The following KCNV2 variants were observed in gnomAD, a reference collection of about 807,000 sequenced individuals.
The protein encoded by KCNV2 is potassium voltage-gated channel modifier subfamily V member 2.
KCNV2 carries 65 observed loss-of-function variants against 37.0 expected under a neutral mutation model. The ratio of observed to expected loss-of-function variants is 1.76; its 90% CI spans 1.44 to 2.16. KCNV2 has a LOEUF of 2.16. Among genes scored for constraint, KCNV2 ranks in the 30% most tolerant of loss-of-function variants. The probability of loss-of-function intolerance (pLI) is 0.00; values close to 1 mark genes in which losing one functional copy is unlikely to be tolerated. For synonymous variants in KCNV2, 518 were observed against 328.6 expected, an observed-to-expected ratio of 1.58 and a Z score of -6.23; for missense variants, 1,232 against 766.7, an observed-to-expected ratio of 1.61 and a Z score of -7.17.
chr9:2,719,238 A>C, intron 1 of KCNV2, 143 bp downstream of exon 1: 1 of 852,850 alleles, frequency 1.2e-6, no homozygotes, highest in Non-Finnish European at 1.9e-6. Flanking sequence ...CAGCTAACAA[A>C]ACGGCGATGG....
Position 2,729,321 on chromosome 9 carries a change from G to T in KCNV2, c.1357-125G>T, listed in dbSNP as rs113883189. 741 of 1,014,412 alleles carry T rather than the reference G, an allele frequency of 7.3e-4. 6 individuals carry two copies. In the African/African-American group the frequency reaches 0.01, roughly 14 times the overall value. 62.8% of individuals were successfully genotyped at this position (1,014,412 alleles called of 1,614,324 possible). A position where few individuals can be genotyped will look rare whatever the true frequency, so the allele number is the denominator to read the frequency against. ...CCTGGTACCTCCTAAAGCAGGCTCC[G>T]TGGGAAGCCATTACACTTCCCATGT... On this transcript the variant is annotated intron_variant, in intron 1 of 1. Coordinates refer to ENST00000382082, the MANE Select transcript of KCNV2 (RefSeq NM_133497.4).
At position 2,729,623 on chromosome 9, in the gene KCNV2, C is replaced by T. The variant is rs537588654; in HGVS notation, c.1534C>T (p.Arg512Cys). The T allele has an allele frequency of 3.2e-5, 51 of 1,613,978 alleles. No homozygotes were observed. The highest frequency in any genetic ancestry group is 2.2e-4 in the East Asian group (10 of 44,878). The change falls in exon 2 of 2, where the codon CGC (arginine) becomes TGC (cysteine). Residue 512 changes from arginine (R) to cysteine (C), a missense_variant. By Grantham distance (180) the Arg-to-Cys change is radical (BLOSUM62 -3). Transcript: ENST00000382082. ...KLKAYEYTTI[R>C]RERGEVNFMQ... ...GAAGGCTTATGAGTATACCACCATA[C>T]GCAGGGAGAGGGGAGAGGTGAACTT...
rs1369674746 is a variant in KCNV2, at chr9:2,718,698, G to C, written c.959G>C (p.Arg320Pro). The change falls in exon 1 of 2, where the codon CGC (arginine) becomes CCC (proline). Residue 320 changes from arginine (R) to proline (P), a missense_variant. Physicochemically the swap from Arg to Pro is moderately radical, Grantham distance 103 (BLOSUM62 -2). Transcript: ENST00000382082. The part of the protein sequence containing the change: ...MGFFTLEYLL[R>P]LASTPDLRRF... ...TTCTTCACGCTCGAGTACCTGCTGCGCCTAGCCTCCACGCCCGACCTGAGG... is the reference window on the plus strand; with the variant it reads ...TTCTTCACGCTCGAGTACCTGCTGCCCCTAGCCTCCACGCCCGACCTGAGG... 6.2e-7 allele frequency: 1 copy of C among 1,613,214 alleles called. No individual in the cohort carries two copies. Among genetic ancestry groups the C allele is most frequent in the Non-Finnish European group, 8.5e-7 (1 of 1,179,850 alleles).
intron 1 of KCNV2, among the ~76,000 whole-genome samples, chr9:2,728,021 A>G (rs1819995244): frequency 6.6e-6 from 1 of 152,170 alleles, no homozygotes; most frequent in South Asian, 2.1e-4. Context: ...CAGGAGGTGC[A>G]TCATCAGCCT....
chr9:2,725,507 G>A (rs1258688078), intron 1 of KCNV2, among the ~76,000 whole-genome samples: 3 of 152,270 alleles, frequency 2.0e-5, no homozygotes, highest in South Asian at 4.1e-4. Context: ...GGATATGACC[G>A]CTTGCTGCTA....
chr9:2,717,748 A>G lies in KCNV2; in HGVS notation c.9A>G (p.Lys3=), dbSNP rs1208931091. The G allele has an allele frequency of 6.2e-7, 1 of 1,613,914 alleles. No individual in the cohort carries two copies. Among genetic ancestry groups the G allele is most frequent in the Non-Finnish European group, 8.5e-7 (1 of 1,179,902 alleles). Reference sequence around the variant, plus strand: ...GTCCACTTTCCGCAGCCATGCTCAAACAGAGTGAGAGGAGACGGTCCTGGA... The same window carrying G: ...GTCCACTTTCCGCAGCCATGCTCAAGCAGAGTGAGAGGAGACGGTCCTGGA... The part of the protein sequence containing the change: ML[K]QSERRRSWSY... The change falls in exon 1 of 2, where the codon AAA becomes AAG. Residue 3 remains lysine, a synonymous_variant. Transcript: ENST00000382082.
Position 2,717,901 on chromosome 9 carries a change from C to T in KCNV2, c.162C>T (p.Tyr54=), listed in dbSNP as rs200742696. ...GGACAGAGGGCAACTATAACTACTA[C>T]ATCGAGGAAGACGAAGACGGCGAGG... The part of the protein sequence containing the change: ...HGWTEGNYNY[Y]IEEDEDGEEE... Residue 54 remains tyrosine, a synonymous_variant, in exon 1 of 2, where the codon TAC becomes TAT. Coordinates refer to ENST00000382082, the MANE Select transcript of KCNV2 (RefSeq NM_133497.4). 45 of 1,614,074 alleles carry T rather than the reference C, an allele frequency of 2.8e-5. No individual in the cohort carries two copies. Among genetic ancestry groups the T allele is most frequent in the Non-Finnish European group, 3.6e-5 (42 of 1,180,044 alleles).
In KCNV2 at chr9:2,718,624, C is replaced by T. The variant is rs748776845; in HGVS notation, c.885C>T (p.Gly295=). The T allele has an allele frequency of 7.4e-6, 12 of 1,612,980 alleles. No homozygotes were observed. In the African/African-American group the frequency reaches 1.2e-4, roughly 16 times the overall value. Residue 295 remains glycine, a synonymous_variant, in exon 1 of 2, where the codon GGC becomes GGT. Coordinates refer to ENST00000382082, the MANE Select transcript of KCNV2 (RefSeq NM_133497.4). The stretch of plus-strand genomic sequence containing the variant: ...AGCACTCGGGGCAGGGCGAGGGCGG[C>T]CCAGACCTGCGGCCCATCCTGGAGC... ...MQQHSGQGEG[G]PDLRPILEHV...
rs921097273 is a variant in KCNV2 at position 2,718,911 on chromosome 9, C to T, written c.1172C>T (p.Ala391Val). 6.2e-7 allele frequency: 1 copy of T among 1,608,958 alleles called. No individual in the cohort carries two copies. Among genetic ancestry groups the T allele is most frequent in the Non-Finnish European group, 8.5e-7 (1 of 1,179,996 alleles). The change falls in exon 1 of 2, where the codon GCG becomes GTG. Residue 391 changes from alanine (A) to valine (V), a missense_variant. Physicochemically the swap from Ala to Val is moderately conservative, Grantham distance 64 (BLOSUM62 0). Coordinates refer to ENST00000382082, the MANE Select transcript of KCNV2 (RefSeq NM_133497.4). ...CGCATCTTCCGCATCCTCAAGCTGG[C>T]GCGCCACTCCACCGGACTGCGTGCC... is the stretch of plus-strand genomic sequence containing the variant. ...LMRIFRILKL[A>V]RHSTGLRAFG...
In KCNV2 at chr9:2,718,712, C is replaced by T. The variant is rs757270560; in HGVS notation, c.973C>T (p.Pro325Ser). The T allele has an allele frequency of 1.2e-6, 2 of 1,613,104 alleles. No homozygotes were observed. Among genetic ancestry groups the T allele is most frequent in the African/African-American group, 1.3e-5 (1 of 75,056 alleles). Reference sequence around the variant, plus strand: ...GTACCTGCTGCGCCTAGCCTCCACGCCCGACCTGAGGCGCTTCGCGCGCAG... The same window carrying T: ...GTACCTGCTGCGCCTAGCCTCCACGTCCGACCTGAGGCGCTTCGCGCGCAG... ...LEYLLRLAST[P>S]DLRRFARSAL... Residue 325 changes from proline to serine, a missense_variant, in exon 1 of 2, where the codon CCC (proline) becomes TCC (serine). By Grantham distance (74) the Pro-to-Ser change is moderately conservative. Coordinates refer to ENST00000382082, the MANE Select transcript of KCNV2 (RefSeq NM_133497.4).
At chr9:2,727,876 C>T (rs979207318) in intron 1 of KCNV2, among the ~76,000 whole-genome samples, 1 of 152,252 alleles carries the variant, frequency 6.6e-6, no homozygotes, top group African/African-American at 2.4e-5. Flanking sequence ...GAAGTGGATT[C>T]AGACCCACAA....
intron 1 of KCNV2, among the ~76,000 whole-genome samples, chr9:2,728,918 A>G (rs1820015106): frequency 6.6e-6 from 1 of 151,256 alleles, no homozygotes; most frequent in Admixed American, 6.6e-5. Flanking sequence ...AAAGAGAGAG[A>G]GAGAGTCTGA....
Position 2,722,166 on chromosome 9 carries a change from T to TTAGAAGTTATTTATAAATAAAA in KCNV2, c.1356+3086_1356+3107dup, listed in dbSNP as rs1563797715. 5.2e-4 allele frequency among the ~76,000 whole-genome samples: 46 copies of TTAGAAGTTATTTATAAATAAAA among 88,602 alleles called. 1 individual carries two copies. The highest frequency in any genetic ancestry group is 8.3e-4 in the South Asian group (2 of 2,424). 58.1% of individuals were successfully genotyped at this position (88,602 alleles called of 152,430 possible). ...AAATTAGAAGTTATTTATAAATAAA[T>TTAGAAGTTATTTATAAATAAAA]TAGAAGTTATTTATAAATAAAATAG... On this transcript the variant is annotated intron_variant, in intron 1 of 1. Transcript: ENST00000382082.
chr9:2,719,876 A>C (rs564150606), intron 1 of KCNV2, among the ~76,000 whole-genome samples: 1 of 152,366 alleles, frequency 6.6e-6, no homozygotes, highest in South Asian at 2.1e-4. Flanking sequence ...AGTTAGTGTA[A>C]CAGTTATTTT....
At chr9:2,728,598 A>C (rs1039177852) in intron 1 of KCNV2, among the ~76,000 whole-genome samples, 2 of 152,206 alleles carry the variant, frequency 1.3e-5, no homozygotes, top group African/African-American at 4.8e-5. Context: ...AGGGGTGAAC[A>C]TATTTTTGGT....
At position 2,717,630 on chromosome 9, in the gene KCNV2, C is replaced by G. The variant is rs957097955; in HGVS notation, c.-110C>G. 6 of 1,433,880 alleles carry G rather than the reference C, an allele frequency of 4.2e-6. No homozygotes were observed. The highest frequency in any genetic ancestry group is 2.8e-5 in the African/African-American group (2 of 71,568). 88.8% of individuals were successfully genotyped at this position (1,433,880 alleles called of 1,614,324 possible). ...CCTAGCTGTGCTGGTCCGGGCTGGC[C>G]TCTCTAAGACAGTGCAGGCCACGTG... On this transcript the variant is annotated 5_prime_UTR_variant, in exon 1 of 2. Coordinates refer to ENST00000382082, the MANE Select transcript of KCNV2 (RefSeq NM_133497.4).
At chr9:2,724,305 G>A (rs1819933873) in intron 1 of KCNV2, among the ~76,000 whole-genome samples, 1 of 152,128 alleles carries the variant, frequency 6.6e-6, no homozygotes, top group African/African-American at 2.4e-5. Context: ...CAAGATCACT[G>A]AAATTATTTT....
chr9:2,728,881 TAAAAAAAAAA>T (rs60674628), intron 1 of KCNV2, among the ~76,000 whole-genome samples: 2 of 98,394 alleles, frequency 2.0e-5, no homozygotes, highest in Admixed American at 1.1e-4. Context: ...CTGTTTTAAA[TAAAAAAAAAA>T]AAAAAGAAAA....
Position 2,727,159 on chromosome 9 carries a change from G to T in KCNV2, c.1357-2287G>T, listed in dbSNP as rs535852398. 2.0e-5 allele frequency among the ~76,000 whole-genome samples: 3 copies of T among 152,086 alleles called. No individual in the cohort carries two copies. The South Asian group carries it at 6.2e-4, about 32-fold the overall frequency. Reference sequence around the variant, plus strand: ...GTCATGGTGTTAGTGACAAATGAAAGCTATTGTTCAGCTCACACAACTGGA... The same window carrying T: ...GTCATGGTGTTAGTGACAAATGAAATCTATTGTTCAGCTCACACAACTGGA... On this transcript the variant is annotated intron_variant, in intron 1 of 1. Transcript: ENST00000382082.
Sources: gnomAD v4.1 joint callset for allele counts (sites outside exome capture counted in the v4.1 genomes callset) on GRCh38, gnomAD v4.1.1 for gene constraint, MANE v1.5 for transcripts, NCBI Gene and HGNC (gene_info 2026-07-23, HGNC 2026-07-21) for gene names.